SLC24A2: variants seen among roughly 807,000 people sequenced by gnomAD.
SLC24A2 encodes solute carrier family 24 member 2.
In SLC24A2, 36 loss-of-function variants were observed where a neutral mutation model predicts 62.0. The observed-to-expected ratio is 0.58, with a 90% CI of 0.44 to 0.77. SLC24A2 has a LOEUF of 0.77. Among genes scored for constraint, SLC24A2 ranks in the 30% least tolerant of loss-of-function variants. The pLI is 0.00. For synonymous variants in SLC24A2, 358 were observed against 294.0 expected (o/e 1.22, Z -2.23); for missense variants, 846 against 817.9 (o/e 1.03, Z -0.42).
At chr9:19,781,097 T>C (rs1437783044) in intron 2 of SLC24A2, among the ~76,000 whole-genome samples, 2 of 152,136 alleles carry the variant, frequency 1.3e-5, no homozygotes, top group African/African-American at 4.8e-5. Context: ...ACAATGCTTG[T>C]GAAACTGAAT....
the SLC24A2 span, among the ~76,000 whole-genome samples, chr9:20,182,462 A>C: frequency 2.0e-5 from 3 of 152,374 alleles, no homozygotes; most frequent in African/African-American, 7.2e-5. Flanking sequence ...GCCATAAAAA[A>C]TGATGAATTC....
In SLC24A2 at chr9:19,521,074, C is replaced by T. The variant is rs768302175; in HGVS notation, c.1570-14G>A. The T allele has an allele frequency of 6.2e-7, 1 of 1,613,218 alleles. No individual in the cohort carries two copies. Among genetic ancestry groups the T allele is most frequent in the Admixed American group, 1.7e-5 (1 of 60,008 alleles). On this transcript the variant is annotated splice_polypyrimidine_tract_variant and intron_variant, in intron 9 of 10. Coordinates refer to ENST00000341998, the MANE Select transcript of SLC24A2 (RefSeq NM_020344.4). ...TGTCTCTCCAACCTAAATGTCAGGA[C>T]AGGAATAAACATCTCAGTGTTTGAA...
chr9:19,787,034 A>C lies in SLC24A2; in HGVS notation c.-153-15T>G. On this transcript the variant is annotated splice_polypyrimidine_tract_variant and intron_variant, in intron 1 of 10. Transcript: ENST00000341998. ...CATCATTTATGCTTAAATAAAAATA[A>C]AAACGAGAATAAGTAAATCATAAAA... The C allele has an allele frequency of 7.3e-7, 1 of 1,370,580 alleles. No individual in the cohort carries two copies. The highest frequency in any genetic ancestry group is 9.4e-7 in the Non-Finnish European group (1 of 1,062,432). The allele number at this position is 1,370,580 out of a possible 1,614,324, so 84.9% of individuals were successfully genotyped here.
At chr9:20,296,292 A>G in the SLC24A2 span, among the ~76,000 whole-genome samples, 1 of 152,244 alleles carries the variant, frequency 6.6e-6, no homozygotes, top group Non-Finnish European at 1.5e-5. Context: ...CCCCTGCCAA[A>G]TTATTCTATT....
chr9:20,285,112 T>C, the SLC24A2 span, among the ~76,000 whole-genome samples: 2 of 152,152 alleles, frequency 1.3e-5, no homozygotes, highest in Non-Finnish European at 2.9e-5. Context: ...GCACGTCATA[T>C]TCATGTGAGG....
the SLC24A2 span, among the ~76,000 whole-genome samples, chr9:20,248,405 GT>G: frequency 5.3e-5 from 8 of 152,226 alleles, no homozygotes; most frequent in Admixed American, 3.9e-4. Flanking sequence ...ATTTCTCACA[GT>G]TCTGGAGGTT....
At chr9:20,146,373 G>A in the SLC24A2 span, among the ~76,000 whole-genome samples, 1 of 152,092 alleles carries the variant, frequency 6.6e-6, no homozygotes. Flanking sequence ...TCTCTGAGGG[G>A]AGCAAGTGCC....
chr9:19,870,169 G>A, the SLC24A2 span, among the ~76,000 whole-genome samples: 8,891 of 152,128 alleles, frequency 0.058, 361 homozygotes, highest in African/African-American at 0.11. Flanking sequence ...GTACCCATTA[G>A]TAGTTATTCC....
intron 4 of SLC24A2, among the ~76,000 whole-genome samples, chr9:19,610,483 A>T (rs1247260274): frequency 6.6e-6 from 1 of 152,200 alleles, no homozygotes; most frequent in African/African-American, 2.4e-5. Context: ...GAAGAAAATG[A>T]AAGGAAACGA....
At chr9:19,717,509 C>G (rs1820892558) in intron 2 of SLC24A2, among the ~76,000 whole-genome samples, 1 of 152,020 alleles carries the variant, frequency 6.6e-6, no homozygotes, top group African/African-American at 2.4e-5. Flanking sequence ...AAGTTGCTGC[C>G]AAAGTGGTTG....
intron 2 of SLC24A2, among the ~76,000 whole-genome samples, chr9:19,686,814 C>G (rs1411606626): frequency 6.6e-6 from 1 of 152,086 alleles, no homozygotes; most frequent in African/African-American, 2.4e-5. Context: ...GCAGCATGAG[C>G]ATGAACTAAT....
chr9:19,696,848 A>G (rs2118500899), intron 2 of SLC24A2, among the ~76,000 whole-genome samples: 1 of 152,294 alleles, frequency 6.6e-6, no homozygotes, highest in African/African-American at 2.4e-5. Flanking sequence ...TTTCAAATAT[A>G]TAATTTAAAT....
intron 7 of SLC24A2, among the ~76,000 whole-genome samples, chr9:19,570,863 G>A (rs1835817235): frequency 6.6e-6 from 1 of 152,140 alleles, no homozygotes; most frequent in Non-Finnish European, 1.5e-5. Flanking sequence ...CAGGTCACCT[G>A]ATTGCTCTTG....
At chr9:20,062,785 A>C in the SLC24A2 span, among the ~76,000 whole-genome samples, 1 of 128,964 alleles carries the variant, frequency 7.8e-6, no homozygotes, top group East Asian at 2.7e-4. Context: ...GAACTCAAAC[A>C]AATTTACAAG....
At chr9:19,535,985 G>T (rs113602038) in intron 8 of SLC24A2, among the ~76,000 whole-genome samples, 2,213 of 150,968 alleles carry the variant, frequency 0.015, 58 homozygotes, top group African/African-American at 0.052. Context: ...CAGGCATGTT[G>T]TTCCATTTAT....
the SLC24A2 span, among the ~76,000 whole-genome samples, chr9:20,138,112 T>C: frequency 3.3e-5 from 5 of 152,278 alleles, no homozygotes; most frequent in East Asian, 9.7e-4. Flanking sequence ...AGGTAACTTT[T>C]TTTTAATCCT....
At chr9:19,690,527 G>C (rs550520266) in intron 2 of SLC24A2, among the ~76,000 whole-genome samples, 53 of 152,200 alleles carry the variant, frequency 3.5e-4, no homozygotes, top group Admixed American at 1.2e-3. Context: ...TGGCTTTCTT[G>C]TTTACTGTAC....
the SLC24A2 span, among the ~76,000 whole-genome samples, chr9:20,203,661 T>C: frequency 1.6e-3 from 240 of 149,652 alleles, 5 homozygotes; most frequent in East Asian, 0.04. Context: ...CTGGGAAACA[T>C]AGTGAGAGCC....
the SLC24A2 span, among the ~76,000 whole-genome samples, chr9:20,025,466 C>T: frequency 6.6e-6 from 1 of 152,050 alleles, no homozygotes; most frequent in Non-Finnish European, 1.5e-5. Context: ...AGGTAAATAT[C>T]ACCCTTCAGG....
Sources: gnomAD v4.1 joint callset for allele counts (sites outside exome capture counted in the v4.1 genomes callset) on GRCh38, gnomAD v4.1.1 for gene constraint, MANE v1.5 for transcripts, NCBI Gene and HGNC (gene_info 2026-07-23, HGNC 2026-07-21) for gene names.